The following RNF207 variants were observed in gnomAD, a reference collection of about 807,000 sequenced individuals.
The protein encoded by RNF207 is ring finger protein 207.
A neutral mutation model predicts 79.0 loss-of-function variants in RNF207; 72 were observed. The observed-to-expected ratio is 0.91, with a 90% CI of 0.75 to 1.11. The LOEUF (loss-of-function observed/expected upper bound fraction) is 1.11. Ranked by LOEUF, RNF207 falls within the 50% of genes least tolerant of loss-of-function variation. RNF207 has a pLI of 0.00. For synonymous variants in RNF207, 348 were observed against 366.2 expected (o/e 0.95, Z 0.57); for missense variants, 936 against 855.8 (o/e 1.09, Z -1.17).
Position 6,218,357 on chromosome 1 carries a change from C to T in RNF207, c.1721C>T (p.Ala574Val), listed in dbSNP as rs749861364. The stretch of plus-strand genomic sequence containing the variant: ...ACGCACGACGACAGCAGGAACAACG[C>T]GGCCTCAGCCAGGTAAAGCAAGTCT... ...QNTHDDSRNN[A>V]ASARNNPGSV... The change falls in exon 17 of 18, where the codon GCG becomes GTG. Residue 574 changes from alanine to valine, a missense_variant. Physicochemically the swap from Ala to Val is moderately conservative, Grantham distance 64. Coordinates refer to ENST00000377939, the MANE Select transcript of RNF207 (RefSeq NM_207396.3). 44 of 1,612,618 alleles carry T rather than the reference C, an allele frequency of 2.7e-5. No individual in the cohort carries two copies. Among genetic ancestry groups the T allele is most frequent in the Admixed American group, 5.0e-5 (3 of 59,996 alleles).
At chr1:6,209,641 C>T (rs1410403327) in intron 7 of RNF207, 102 bp downstream of exon 7, 60 of 1,326,376 alleles carry the variant, frequency 4.5e-5, no homozygotes, top group Non-Finnish European at 5.7e-5. Flanking sequence ...GGCAGCAGGC[C>T]TTGCACCAAG....
intron 2 of RNF207, 48 bp downstream of exon 2, chr1:6,206,774 G>A (rs1434074127): frequency 6.5e-7 from 1 of 1,533,338 alleles, no homozygotes; most frequent in Non-Finnish European, 8.8e-7. Context: ...CATCCCCCGG[G>A]CCCAAGGTTG....
At position 6,210,890 on chromosome 1, in the gene RNF207, G is replaced by A. The variant is rs1450955509; in HGVS notation, c.963G>A (p.Gln321=). Residue 321 remains glutamine, a synonymous_variant, in exon 11 of 18, where the codon CAG becomes CAA. Transcript: ENST00000377939. ...DLGYELMERL[Q]GIVTRPHHLR... Reference sequence around the variant, plus strand: ...CACAGGAGCTGATGGAGAGGCTGCAGGGCATCGTCACGCGGCCGCACCACC... The same window carrying A: ...CACAGGAGCTGATGGAGAGGCTGCAAGGCATCGTCACGCGGCCGCACCACC... 1.2e-6 allele frequency: 2 copies of A among 1,603,628 alleles called. No individual in the cohort carries two copies. The highest frequency in any genetic ancestry group is 8.5e-7 in the Non-Finnish European group (1 of 1,176,396).
chr1:6,208,915 G>A lies in RNF207; in HGVS notation c.359G>A (p.Gly120Glu). 6.5e-7 allele frequency: 1 copy of A among 1,534,094 alleles called. No homozygotes were observed. The highest frequency in any genetic ancestry group is 8.7e-7 in the Non-Finnish European group (1 of 1,145,374). Residue 120 changes from glycine (G) to glutamate (E), a missense_variant, in exon 4 of 18, where the codon GGA (glycine) becomes GAA (glutamate). Physicochemically the swap from Gly to Glu is moderately conservative, Grantham distance 98. Transcript: ENST00000377939. ...ACCACGTACTTCTGCAACACGTGCG[G>A]ACAGCCCCTATGCGCGCGCTGCCGC... ...VETTYFCNTC[G>E]QPLCARCRDE...
chr1:6,213,577 G>A (rs1008075098), intron 16 of RNF207, among the ~76,000 whole-genome samples: 1 of 152,114 alleles, frequency 6.6e-6, no homozygotes, highest in Non-Finnish European at 1.5e-5. Flanking sequence ...GTATCTGGGC[G>A]GACAAGGTGC....
At position 6,208,930 on chromosome 1, in the gene RNF207, C is replaced by G; in HGVS notation, c.374C>G (p.Ala125Gly). 6.5e-7 allele frequency: 1 copy of G among 1,534,736 alleles called. No homozygotes were observed. The highest frequency in any genetic ancestry group is 8.7e-7 in the Non-Finnish European group (1 of 1,145,554). ...FCNTCGQPLC[A>G]RCRDETHRAR... ...AACACGTGCGGACAGCCCCTATGCG[C>G]GCGCTGCCGCGACGAGACGCACCGA... The change falls in exon 4 of 18, where the codon GCG (alanine) becomes GGG (glycine). Residue 125 changes from alanine to glycine, a missense_variant. Coordinates refer to ENST00000377939, the MANE Select transcript of RNF207 (RefSeq NM_207396.3).
Position 6,211,969 on chromosome 1 carries a change from G to A in RNF207, c.1212G>A (p.Arg404=). ...GSPVQKPTLH[R]SISTKVLLAE... is the part of the protein sequence containing the mutation. ...CCGTCCAAAAGCCCACGCTGCACCGGTCCATCAGCACCAAGGTGCTGCTGG... is the reference window on the plus strand; with the variant it reads ...CCGTCCAAAAGCCCACGCTGCACCGATCCATCAGCACCAAGGTGCTGCTGG... The change falls in exon 13 of 18, where the codon CGG becomes CGA. Residue 404 remains arginine, a synonymous_variant. Coordinates refer to ENST00000377939, the MANE Select transcript of RNF207 (RefSeq NM_207396.3). This position sits in a 1 kb window ranked among gnomAD's most constrained non-coding sequence, Gnocchi z 4.2. The A allele has an allele frequency of 6.3e-7, 1 of 1,576,898 alleles. No homozygotes were observed. Among genetic ancestry groups the A allele is most frequent in the Non-Finnish European group, 8.6e-7 (1 of 1,161,898 alleles).
chr1:6,219,923 A>C lies in RNF207; in HGVS notation c.*516A>C, dbSNP rs899193560. 6.6e-6 allele frequency: 1 copy of C among 152,230 alleles called. No homozygotes were observed. Among genetic ancestry groups the C allele is most frequent in the Non-Finnish European group, 1.5e-5 (1 of 68,214 alleles). 9.4% of individuals were successfully genotyped at this position (152,230 alleles called of 1,614,324 possible). On this transcript the variant is annotated 3_prime_UTR_variant, in exon 18 of 18. Coordinates refer to ENST00000377939, the MANE Select transcript of RNF207 (RefSeq NM_207396.3). ...GCGATTCTCCTACCTCAGCCCCCAG[A>C]GTAGCTGGGATTACAGGCATGTACC...
intron 14 of RNF207, 66 bp downstream of exon 14, chr1:6,212,482 A>G: frequency 3.4e-6 from 5 of 1,475,080 alleles, no homozygotes; most frequent in South Asian, 1.3e-5. Context: ...ACCCTAAGAC[A>G]GTAAGCGGGG....
At chr1:6,210,694 C>T (rs1668126479) in intron 10 of RNF207, 176 bp from the exon 11 acceptor site, 3 of 681,480 alleles carry the variant, frequency 4.4e-6, no homozygotes, top group Non-Finnish European at 7.7e-6. Context: ...GCCCCCTCTC[C>T]TGTGGATTTG....
intron 10 of RNF207, 132 bp from the exon 11 acceptor site, chr1:6,210,738 A>C (rs1668127876): frequency 2.4e-6 from 2 of 831,476 alleles, no homozygotes; most frequent in African/African-American, 3.4e-5. Context: ...GGTGAGTCCC[A>C]GAAGAGGGCT....
At chr1:6,210,165 T>G in intron 8 of RNF207, 58 bp from the exon 9 acceptor site, 1 of 1,479,530 alleles carries the variant, frequency 6.8e-7, no homozygotes, top group Non-Finnish European at 9.4e-7. Context: ...GGGTGGGGGA[T>G]GGAACTGCCC....
At chr1:6,213,291 T>G (rs1358323844) in intron 16 of RNF207, 108 bp downstream of exon 16, 1 of 649,596 alleles carries the variant, frequency 1.5e-6, no homozygotes, top group South Asian at 1.9e-5. Context: ...GAGGCTGAGG[T>G]GGGCGGATAA....
Position 6,208,994 on chromosome 1 carries a change from T to A in RNF207, c.438T>A (p.Gly146=). 1 of 1,515,216 alleles carries A rather than the reference T, an allele frequency of 6.6e-7. No homozygotes were observed. Among genetic ancestry groups the A allele is most frequent in the Non-Finnish European group, 8.8e-7 (1 of 1,135,588 alleles). The allele number at this position is 1,515,216 out of a possible 1,614,324, so 93.9% of individuals were successfully genotyped here. ...CGCGCCACGACATCGTGGCCCTGGG[T>A]CAGCGAAGCCGCGACGTGCCCCAGA... ...MFARHDIVAL[G]QRSRDVPQKC... The change falls in exon 4 of 18, where the codon GGT becomes GGA. Residue 146 remains glycine, a synonymous_variant. Coordinates refer to ENST00000377939, the MANE Select transcript of RNF207 (RefSeq NM_207396.3).
At position 6,209,361 on chromosome 1, in the gene RNF207, G is replaced by A; in HGVS notation, c.627+18G>A. On this transcript the variant is annotated intron_variant, in intron 6 of 17. Transcript: ENST00000377939. Reference sequence around the variant, plus strand: ...CGGTGCTGGTGAGCGCAGGGGCCTGGCGCGCGGGGCCGCGCGGCGGCGATC... The same window carrying A: ...CGGTGCTGGTGAGCGCAGGGGCCTGACGCGCGGGGCCGCGCGGCGGCGATC... The A allele has an allele frequency of 1.3e-6, 2 of 1,532,178 alleles. No individual in the cohort carries two copies. Among genetic ancestry groups the A allele is most frequent in the Non-Finnish European group, 8.8e-7 (1 of 1,142,736 alleles). 94.9% of individuals were successfully genotyped at this position (1,532,178 alleles called of 1,614,324 possible). A position where few individuals can be genotyped will look rare whatever the true frequency, so the allele number is the denominator to read the frequency against.
chr1:6,209,373 G>T (rs1468709378), intron 6 of RNF207, 30 bp downstream of exon 6: 33 of 1,526,700 alleles, frequency 2.2e-5, no homozygotes, highest in Non-Finnish European at 2.9e-5. Context: ...GCGCGGGGCC[G>T]CGCGGCGGCG....
In RNF207 at chr1:6,211,206, A is replaced by G. The variant is rs1050535985; in HGVS notation, c.1109+88A>G. 88 of 876,148 alleles carry G rather than the reference A, an allele frequency of 1.0e-4. No individual in the cohort carries two copies. Among genetic ancestry groups the G allele is most frequent in the Non-Finnish European group, 1.3e-4 (77 of 573,050 alleles). 54.3% of individuals were successfully genotyped at this position (876,148 alleles called of 1,614,324 possible). ...GCGCTGAGGGGCCAGATCGCCAGCA[A>G]GAAGCCAGGTGCCACCATTCCTTCC... On this transcript the variant is annotated intron_variant, in intron 12 of 17. Coordinates refer to ENST00000377939, the MANE Select transcript of RNF207 (RefSeq NM_207396.3). This position sits in a 1 kb window ranked among gnomAD's most constrained non-coding sequence, Gnocchi z 4.2.
intron 16 of RNF207, among the ~76,000 whole-genome samples, chr1:6,215,287 C>T (rs1668324301): frequency 6.6e-6 from 1 of 151,934 alleles, no homozygotes; most frequent in Non-Finnish European, 1.5e-5. Context: ...CTCAGCTTCC[C>T]AAAGTGCTGG....
At chr1:6,213,295 C>T (rs1054374941) in intron 16 of RNF207, 112 bp downstream of exon 16, 5 of 624,804 alleles carry the variant, frequency 8.0e-6, no homozygotes, top group African/African-American at 7.4e-5. Flanking sequence ...CTGAGGTGGG[C>T]GGATAACCTG....
Sources: allele counts gnomAD v4.1 joint callset (sites outside exome capture counted in the v4.1 genomes callset), GRCh38; gene constraint gnomAD v4.1.1; non-coding constraint Gnocchi (gnomAD v3.1); transcripts MANE v1.5; gene names NCBI Gene and HGNC (gene_info 2026-07-23, HGNC 2026-07-21).